Variants in GPC6 observed in about 807,000 individuals in gnomAD.
The protein encoded by GPC6 is glypican 6.
A neutral mutation model predicts 55.2 loss-of-function variants in GPC6; 14 were observed. The observed-to-expected ratio is 0.25, with a 90% CI of 0.17 to 0.40. GPC6 has a LOEUF of 0.40. Ranked by LOEUF, GPC6 falls within the 10% of genes least tolerant of loss-of-function variation. The pLI is 1.00. For synonymous variants in GPC6, 278 were observed against 259.6 expected (o/e 1.07, Z -0.68); for missense variants, 641 against 708.5 (o/e 0.90, Z 1.08).
chr13:94,007,957 CCAAA>C (rs1269797816), intron 3 of GPC6, among the ~76,000 whole-genome samples: 1 of 152,066 alleles, frequency 6.6e-6, no homozygotes, highest in African/African-American at 2.4e-5. Context: ...TGCCATCCCC[CCAAA>C]CAAAGCATCT....
intron 4 of GPC6, among the ~76,000 whole-genome samples, chr13:94,257,770 C>T (rs1280006629): frequency 6.6e-6 from 1 of 152,152 alleles, no homozygotes; most frequent in Non-Finnish European, 1.5e-5. Context: ...TATTGTAATA[C>T]TGCAACCGCC....
chr13:93,748,701 A>G (rs1438921409), intron 2 of GPC6, among the ~76,000 whole-genome samples: 2 of 152,120 alleles, frequency 1.3e-5, no homozygotes, highest in Non-Finnish European at 2.9e-5. Flanking sequence ...AGTAGCATTT[A>G]CTTTGGTAAT....
chr13:93,822,647 C>T (rs1594488434), intron 2 of GPC6, among the ~76,000 whole-genome samples: 1 of 146,626 alleles, frequency 6.8e-6, no homozygotes, highest in South Asian at 2.3e-4. Flanking sequence ...CTCCCTGTGT[C>T]CATGTGTTCT....
chr13:94,193,877 C>A (rs553672426), intron 4 of GPC6, among the ~76,000 whole-genome samples: 1 of 152,268 alleles, frequency 6.6e-6, no homozygotes, highest in Non-Finnish European at 1.5e-5. Context: ...TGGCGGAATT[C>A]TAGATGTGGG....
intron 4 of GPC6, among the ~76,000 whole-genome samples, chr13:94,160,802 A>T (rs1439905452): frequency 6.6e-6 from 1 of 152,222 alleles, no homozygotes; most frequent in East Asian, 1.9e-4. Flanking sequence ...AAGCAAAACA[A>T]ATTTGTCAAT....
intron 3 of GPC6, among the ~76,000 whole-genome samples, chr13:93,867,093 A>ATT (rs200486919): frequency 4.6e-4 from 69 of 150,950 alleles, no homozygotes; most frequent in African/African-American, 1.7e-3. Flanking sequence ...CAGTATGTTG[A>ATT]TTTTTTTTTA....
intron 4 of GPC6, among the ~76,000 whole-genome samples, chr13:94,142,763 T>C (rs1027343908): frequency 2.6e-5 from 4 of 151,924 alleles, no homozygotes; most frequent in Admixed American, 1.3e-4. Context: ...TAACTTGATG[T>C]ATATTCCCAA....
At chr13:93,830,080 G>C in intron 2 of GPC6, 74 bp from the exon 3 acceptor site, 1 of 1,019,752 alleles carries the variant, frequency 9.8e-7, no homozygotes, top group Non-Finnish European at 1.5e-6. Context: ...AAAAGCAGTT[G>C]TACTTAAGGT....
At chr13:93,306,472 T>C (rs1297864382) in intron 1 of GPC6, among the ~76,000 whole-genome samples, 1 of 152,090 alleles carries the variant, frequency 6.6e-6, no homozygotes, top group Non-Finnish European at 1.5e-5. Context: ...ATCAATCTGG[T>C]GATCTATTTT....
chr13:93,915,827 C>G (rs556832562), intron 3 of GPC6, among the ~76,000 whole-genome samples: 39 of 152,296 alleles, frequency 2.6e-4, no homozygotes, highest in African/African-American at 8.9e-4. Flanking sequence ...TTAAGCCATG[C>G]CTCTCTCCTT....
At chr13:94,134,057 A>C (rs1357578040) in intron 4 of GPC6, among the ~76,000 whole-genome samples, 1 of 152,242 alleles carries the variant, frequency 6.6e-6, no homozygotes, top group East Asian at 1.9e-4. Context: ...TATGCTTGCA[A>C]AGCTCAACAC....
intron 2 of GPC6, among the ~76,000 whole-genome samples, chr13:93,728,074 A>G (rs1449137883): frequency 6.6e-6 from 1 of 152,006 alleles, no homozygotes; most frequent in African/African-American, 2.4e-5. Context: ...GCTTCAATCT[A>G]CCTCTGTGGA....
chr13:93,596,199 T>G (rs1337058251), intron 2 of GPC6, among the ~76,000 whole-genome samples: 3 of 152,164 alleles, frequency 2.0e-5, no homozygotes, highest in Non-Finnish European at 4.4e-5. Context: ...AATGCCATGA[T>G]CCTTATTGAG....
At chr13:93,883,432 C>G (rs1239624257) in intron 3 of GPC6, among the ~76,000 whole-genome samples, 1 of 152,014 alleles carries the variant, frequency 6.6e-6, no homozygotes, top group East Asian at 1.9e-4. Context: ...TGCATCCATG[C>G]CAACATCTAT....
chr13:93,810,582 C>T (rs1450648166), intron 2 of GPC6, among the ~76,000 whole-genome samples: 2 of 152,090 alleles, frequency 1.3e-5, no homozygotes, highest in African/African-American at 2.4e-5. Flanking sequence ...ATTGTGCTAC[C>T]TTTCAGGCTA....
At chr13:94,332,082 G>T (rs1481193335) in intron 6 of GPC6, among the ~76,000 whole-genome samples, 2 of 152,208 alleles carry the variant, frequency 1.3e-5, no homozygotes, top group Non-Finnish European at 2.9e-5. Context: ...ATAAGAGCAG[G>T]CTGGAAGAAT....
intron 2 of GPC6, among the ~76,000 whole-genome samples, chr13:93,687,639 G>A (rs1030561438): frequency 1.3e-5 from 2 of 152,042 alleles, no homozygotes; most frequent in Non-Finnish European, 2.9e-5. Flanking sequence ...ATTTTGTAAG[G>A]CTTAAACAAA....
At chr13:93,792,037 G>A (rs530133670) in intron 2 of GPC6, among the ~76,000 whole-genome samples, 9 of 152,302 alleles carry the variant, frequency 5.9e-5, no homozygotes, top group African/African-American at 9.6e-5. Context: ...CCAATGTGAT[G>A]TATCAAATAC....
At chr13:94,148,378 C>T (rs948940929) in intron 4 of GPC6, among the ~76,000 whole-genome samples, 2 of 152,044 alleles carry the variant, frequency 1.3e-5, no homozygotes, top group East Asian at 3.8e-4. Flanking sequence ...TGATTTTTAC[C>T]AGGAAAAACT....
Sources: gnomAD v4.1 joint callset for allele counts (sites outside exome capture counted in the v4.1 genomes callset) on GRCh38, gnomAD v4.1.1 for gene constraint, MANE v1.5 for transcripts, NCBI Gene and HGNC (gene_info 2026-07-23, HGNC 2026-07-21) for gene names.